The following PTPRK variants were observed in gnomAD, a reference collection of about 807,000 sequenced individuals.
PTPRK encodes the protein protein tyrosine phosphatase receptor type K, also known as receptor-type tyrosine-protein phosphatase kappa.
Under a neutral mutation model 178.0 loss-of-function variants are expected in PTPRK, and 75 were observed. The observed-to-expected ratio is 0.42, with a 90% CI of 0.35 to 0.51. The LOEUF is 0.51. Among genes scored for constraint, PTPRK ranks in the 20% least tolerant of loss-of-function variants. The pLI is 0.02. For synonymous variants in PTPRK, 637 were observed against 620.6 expected (o/e 1.03, Z -0.39); for missense variants, 1,441 against 1,797.8 (o/e 0.80, Z 3.59).
intron 7 of PTPRK, among the ~76,000 whole-genome samples, chr6:128,145,819 C>A (rs551970446): frequency 3.3e-5 from 5 of 152,222 alleles, no homozygotes; most frequent in African/African-American, 1.2e-4. Context: ...GAAGTCATTT[C>A]TATCTTAAAA....
At chr6:128,349,145 A>C (rs1429801895) in intron 2 of PTPRK, among the ~76,000 whole-genome samples, 1 of 152,154 alleles carries the variant, frequency 6.6e-6, no homozygotes, top group Non-Finnish European at 1.5e-5. Flanking sequence ...TGATGTCCAG[A>C]AACATGAACA....
chr6:128,365,745 G>A (rs921465900), intron 2 of PTPRK, among the ~76,000 whole-genome samples: 4 of 152,030 alleles, frequency 2.6e-5, no homozygotes, highest in African/African-American at 9.7e-5. Flanking sequence ...CTGGAGAGTT[G>A]AATGGCTTCC....
chr6:128,039,760 C>T (rs1341407554), intron 13 of PTPRK, among the ~76,000 whole-genome samples: 1 of 152,152 alleles, frequency 6.6e-6, no homozygotes, highest in African/African-American at 2.4e-5. Context: ...CCCAAGCCTG[C>T]TCTGCATAGT....
At chr6:128,489,657 G>T (rs1028729477) in intron 1 of PTPRK, among the ~76,000 whole-genome samples, 1 of 152,134 alleles carries the variant, frequency 6.6e-6, no homozygotes, top group Non-Finnish European at 1.5e-5. Flanking sequence ...AAGGCACATG[G>T]CCATGTACAC....
intron 13 of PTPRK, among the ~76,000 whole-genome samples, chr6:128,032,600 C>T (rs568612092): frequency 1.3e-5 from 2 of 152,250 alleles, no homozygotes; most frequent in South Asian, 2.1e-4. Context: ...AAGTAAACAT[C>T]GCATATGAAC....
At chr6:128,250,945 T>A (rs1273909193) in intron 3 of PTPRK, among the ~76,000 whole-genome samples, 1 of 152,202 alleles carries the variant, frequency 6.6e-6, no homozygotes, top group Admixed American at 6.5e-5. Flanking sequence ...GTTTCTCAAC[T>A]AAGAATCAGC....
intron 1 of PTPRK, among the ~76,000 whole-genome samples, chr6:128,489,977 A>G (rs560390389): frequency 1.3e-5 from 2 of 152,190 alleles, no homozygotes; most frequent in Non-Finnish European, 2.9e-5. Flanking sequence ...AGTGTCTACG[A>G]AAAAACGCTA....
intron 3 of PTPRK, among the ~76,000 whole-genome samples, chr6:128,308,687 C>T (rs1407461699): frequency 6.6e-6 from 1 of 152,088 alleles, no homozygotes; most frequent in African/African-American, 2.4e-5. Context: ...AACCAAGTTA[C>T]AAGTTATGAG....
chr6:128,368,261 T>C (rs1237462618), intron 2 of PTPRK, among the ~76,000 whole-genome samples: 1 of 151,318 alleles, frequency 6.6e-6, no homozygotes, highest in Non-Finnish European at 1.5e-5. Flanking sequence ...GGAACTAAGA[T>C]GAAAAGAAAG....
At chr6:128,017,191 A>G (rs2114745433) in intron 13 of PTPRK, among the ~76,000 whole-genome samples, 1 of 152,136 alleles carries the variant, frequency 6.6e-6, no homozygotes, top group South Asian at 2.1e-4. Flanking sequence ...TTCCCTTCCT[A>G]CAAGTTCCAT....
intron 1 of PTPRK, among the ~76,000 whole-genome samples, chr6:128,429,117 G>A (rs1411205236): frequency 6.6e-6 from 1 of 152,174 alleles, no homozygotes; most frequent in Admixed American, 6.5e-5. Context: ...AAATCCAAGT[G>A]ATGCTACTAG....
intron 3 of PTPRK, among the ~76,000 whole-genome samples, chr6:128,257,781 T>G (rs369244452): frequency 7.2e-5 from 11 of 152,320 alleles, no homozygotes; most frequent in African/African-American, 2.6e-4. Flanking sequence ...AATGATGTAA[T>G]AAAATGCCAA....
chr6:128,231,373 G>A (rs893849531), intron 5 of PTPRK, among the ~76,000 whole-genome samples: 1 of 152,130 alleles, frequency 6.6e-6, no homozygotes, highest in East Asian at 1.9e-4. Context: ...AATCACTACT[G>A]CTTAGACAAA....
chr6:128,067,507 G>A lies in PTPRK; in HGVS notation c.2157+12C>T. ...CAAAGCAGGGAAAAAGCAAATCCTG[G>A]AGGAAGCTCACCTTCTCCACACTGC... On this transcript the variant is annotated intron_variant, in intron 12 of 29. Transcript: ENST00000368226. 1 of 1,468,480 alleles carries A rather than the reference G, an allele frequency of 6.8e-7. No individual in the cohort carries two copies. Among genetic ancestry groups the A allele is most frequent in the Non-Finnish European group, 9.1e-7 (1 of 1,100,516 alleles). The allele number at this position is 1,468,480 out of a possible 1,614,324, so 91.0% of individuals were successfully genotyped here.
intron 4 of PTPRK, chr6:128,241,101 T>C: frequency 2.5e-6 from 1 of 398,612 alleles, no homozygotes. Context: ...TGAAAGAACT[T>C]AGTAAGGCAG....
At position 128,304,484 on chromosome 6, in the gene PTPRK, A is replaced by G. The variant is rs562635094; in HGVS notation, c.495+17555T>C. ...ATTTGTAAAATGCATAAAACATTTAAGTTTTTTTGAAAGTAGTTGAATGGA... is the reference window on the plus strand; with the variant it reads ...ATTTGTAAAATGCATAAAACATTTAGGTTTTTTTGAAAGTAGTTGAATGGA... On this transcript the variant is annotated intron_variant, in intron 3 of 29. Coordinates refer to ENST00000368226, the MANE Select transcript of PTPRK (RefSeq NM_002844.4). Among the ~76,000 whole-genome samples the G allele has an allele frequency of 2.0e-5, 3 of 152,336 alleles. No homozygotes were observed. The South Asian group carries it at 6.2e-4, about 32-fold the overall frequency.
intron 1 of PTPRK, among the ~76,000 whole-genome samples, chr6:128,505,283 A>T (rs540668483): frequency 9.9e-5 from 15 of 150,866 alleles, no homozygotes; most frequent in Admixed American, 5.3e-4. Flanking sequence ...CTCTACTAAA[A>T]ATAGAAAATT....
At chr6:128,105,130 CTT>C (rs1382748903) in intron 7 of PTPRK, among the ~76,000 whole-genome samples, 3 of 140,730 alleles carry the variant, frequency 2.1e-5, no homozygotes, top group Admixed American at 7.1e-5. Context: ...TCACTTATTT[CTT>C]TTTTTTTTTT....
chr6:128,081,376 T>C (rs182821342), intron 10 of PTPRK, among the ~76,000 whole-genome samples: 8 of 152,154 alleles, frequency 5.3e-5, no homozygotes, highest in African/African-American at 1.7e-4. Context: ...TAGCTCATAA[T>C]GGAATAGCTA....
Sources: allele counts gnomAD v4.1 joint callset (sites outside exome capture counted in the v4.1 genomes callset), GRCh38; gene constraint gnomAD v4.1.1; transcripts MANE v1.5; gene names NCBI Gene and HGNC (gene_info 2026-07-23, HGNC 2026-07-21).